UBAP2: variants seen among roughly 807,000 people sequenced by gnomAD.
UBAP2 encodes the protein ubiquitin-associated protein 2.
UBAP2 carries 75 observed loss-of-function variants against 139.6 expected under a neutral mutation model. The observed-to-expected ratio is 0.54, with a 90% CI of 0.45 to 0.65. The LOEUF is 0.65. Ranked by LOEUF, UBAP2 falls within the 30% of genes least tolerant of loss-of-function variation. UBAP2 has a pLI of 0.00. For missense variants in UBAP2, 1,368 were observed against 1,369.6 expected (o/e 1.00, Z 0.02); for synonymous variants, 526 against 526.2 (o/e 1.00, Z 0.01).
At chr9:33,978,605 C>T (rs182900893) in intron 6 of UBAP2, among the ~76,000 whole-genome samples, 1 of 151,982 alleles carries the variant, frequency 6.6e-6, no homozygotes, top group Non-Finnish European at 1.5e-5. Flanking sequence ...ACAGTGAAAC[C>T]CCATCTCTAC....
chr9:33,967,121 T>C (rs1312496793), intron 8 of UBAP2, among the ~76,000 whole-genome samples: 2 of 152,226 alleles, frequency 1.3e-5, no homozygotes, highest in Non-Finnish European at 2.9e-5. Context: ...CCTAGGCATC[T>C]GGTGTTTTCT....
chr9:33,960,866 T>TA lies in UBAP2; in HGVS notation c.757_758insT (p.Asn253IlefsTer13). 1 of 1,613,676 alleles carries TA rather than the reference T, an allele frequency of 6.2e-7. No homozygotes were observed. Among genetic ancestry groups the TA allele is most frequent in the Non-Finnish European group, 8.5e-7 (1 of 1,179,992 alleles). On this transcript the variant is annotated frameshift_variant, in exon 10 of 29. Transcript: ENST00000379238. LOFTEE classifies it high-confidence loss of function. ...TTCTGTTGTCCACTCTTCCACAGAA[T>TA]TCTTCCAAGCCCCTGTTGGGAAACA...
intron 4 of UBAP2, among the ~76,000 whole-genome samples, chr9:33,994,176 G>A (rs1821954512): frequency 6.6e-6 from 1 of 152,156 alleles, no homozygotes; most frequent in Admixed American, 6.5e-5. Context: ...TTACAGGCAT[G>A]AGCCGCAGTG....
At chr9:34,018,840 G>A (rs974279065) in intron 1 of UBAP2, among the ~76,000 whole-genome samples, 2 of 150,958 alleles carry the variant, frequency 1.3e-5, no homozygotes, top group Non-Finnish European at 2.9e-5. Context: ...TCCAGCCTGG[G>A]CAACAGAGCA....
intron 15 of UBAP2, 127 bp from the exon 16 acceptor site, chr9:33,941,989 C>T (rs1466780001): frequency 3.0e-6 from 2 of 665,874 alleles, no homozygotes; most frequent in South Asian, 1.9e-5. Context: ...TGAGACCCAC[C>T]TAATTTAACT....
At chr9:33,974,480 C>A (rs923500696) in intron 6 of UBAP2, among the ~76,000 whole-genome samples, 3 of 152,088 alleles carry the variant, frequency 2.0e-5, no homozygotes, top group African/African-American at 7.2e-5. Context: ...GTACTCTAGT[C>A]AGTGTGACAG....
At chr9:33,925,045 A>G (rs569500583) in intron 22 of UBAP2, among the ~76,000 whole-genome samples, 3 of 152,300 alleles carry the variant, frequency 2.0e-5, no homozygotes, top group Middle Eastern at 3.4e-3. Context: ...CAGATACAAC[A>G]AAGTGTGGAG....
At chr9:34,045,707 C>G (rs1384592325) in intron 1 of UBAP2, among the ~76,000 whole-genome samples, 3 of 152,048 alleles carry the variant, frequency 2.0e-5, no homozygotes, top group Non-Finnish European at 4.4e-5. Context: ...CTTTGAGAAA[C>G]TTAAAAAATG....
chr9:34,015,023 T>C (rs897957554), intron 2 of UBAP2, among the ~76,000 whole-genome samples: 1 of 152,188 alleles, frequency 6.6e-6, no homozygotes, highest in Non-Finnish European at 1.5e-5. Context: ...TTAAATCTCC[T>C]CACTATGTCC....
chr9:33,947,802 G>A (rs979381646), intron 13 of UBAP2, among the ~76,000 whole-genome samples: 6 of 149,738 alleles, frequency 4.0e-5, no homozygotes, highest in African/African-American at 1.5e-4. Flanking sequence ...TCCAGCCTGT[G>A]CAACAGAGCA....
chr9:33,934,109 A>C (rs553193123), intron 17 of UBAP2: 138 of 164,530 alleles, frequency 8.4e-4, no homozygotes, highest in Non-Finnish European at 6.8e-5. Flanking sequence ...AACGTAAGGC[A>C]GATTGGGGTT....
intron 2 of UBAP2, among the ~76,000 whole-genome samples, chr9:34,005,265 GAAAAAAA>G (rs1023617544): frequency 1.4e-3 from 128 of 88,452 alleles, no homozygotes; most frequent in African/African-American, 5.6e-3. Flanking sequence ...TGTGTCTCAA[GAAAAAAA>G]AAAAAAAAAA....
intron 4 of UBAP2, chr9:33,995,504 T>A (rs1822108769): frequency 7.5e-6 from 1 of 134,014 alleles, no homozygotes; most frequent in Admixed American, 8.9e-5. Flanking sequence ...AATATATATA[T>A]TTATATTATT....
chr9:33,966,057 T>TA (rs1376339725), intron 8 of UBAP2, among the ~76,000 whole-genome samples: 1 of 142,930 alleles, frequency 7.0e-6, no homozygotes, highest in Non-Finnish European at 1.5e-5. Flanking sequence ...CTCAAAAAAA[T>TA]AAAAAATCAG....
intron 2 of UBAP2, among the ~76,000 whole-genome samples, chr9:33,999,159 T>G (rs1467221489): frequency 6.6e-6 from 1 of 152,010 alleles, no homozygotes. Context: ...GTGGGGGAAA[T>G]CAGCTCAAGA....
At chr9:34,038,652 G>A (rs1240308375) in intron 1 of UBAP2, among the ~76,000 whole-genome samples, 2 of 152,140 alleles carry the variant, frequency 1.3e-5, no homozygotes, top group African/African-American at 2.4e-5. Flanking sequence ...CCTCCCACCC[G>A]CCTGCCTTGG....
intron 1 of UBAP2, among the ~76,000 whole-genome samples, chr9:34,035,928 G>C (rs975894712): frequency 1.3e-5 from 2 of 151,304 alleles, no homozygotes; most frequent in Non-Finnish European, 2.9e-5. Context: ...AATCGCTTGA[G>C]CCCAGGTAGG....
At chr9:34,005,791 T>C (rs1284328125) in intron 2 of UBAP2, among the ~76,000 whole-genome samples, 1 of 152,086 alleles carries the variant, frequency 6.6e-6, no homozygotes, top group Non-Finnish European at 1.5e-5. Context: ...AAATACAGTA[T>C]AGAGCCTTAA....
At chr9:33,994,730 T>C (rs1418409303) in intron 4 of UBAP2, 1 of 152,142 alleles carries the variant, frequency 6.6e-6, no homozygotes, top group Non-Finnish European at 1.5e-5. Context: ...TTACATGGAA[T>C]TTTACCAACA....
Sources: gnomAD v4.1 joint callset for allele counts (sites outside exome capture counted in the v4.1 genomes callset) on GRCh38, gnomAD v4.1.1 for gene constraint, MANE v1.5 for transcripts, NCBI Gene and HGNC (gene_info 2026-07-23, HGNC 2026-07-21) for gene names.